The following ITCH variants were observed in gnomAD, a reference collection of about 807,000 sequenced individuals.
ITCH encodes the protein itchy E3 ubiquitin protein ligase.
Under a neutral mutation model 126.8 loss-of-function variants are expected in ITCH, and 28 were observed. The ratio of observed to expected loss-of-function variants is 0.22; its 90% CI spans 0.16 to 0.30. ITCH has a LOEUF of 0.30. Ranked by LOEUF, ITCH falls within the 10% of genes least tolerant of loss-of-function variation. ITCH has a pLI of 1.00. For missense variants in ITCH, 631 were observed against 1,032.4 expected (o/e 0.61, Z 5.33); for synonymous variants, 342 against 340.0 (o/e 1.01, Z -0.06).
chr20:34,476,791 A>G (rs1375606394), intron 16 of ITCH: 1 of 164,922 alleles, frequency 6.1e-6, no homozygotes, highest in African/African-American at 2.4e-5. Context: ...CATTATATCA[A>G]CTTCTCCCTT....
chr20:34,392,111 A>G (rs1463747071), intron 2 of ITCH, among the ~76,000 whole-genome samples: 1 of 152,182 alleles, frequency 6.6e-6, no homozygotes, highest in Non-Finnish European at 1.5e-5. Flanking sequence ...TTGAGGAGGA[A>G]GTAATAACTA....
chr20:34,393,506 TC>T (rs1568883946), intron 2 of ITCH, among the ~76,000 whole-genome samples: 1 of 151,952 alleles, frequency 6.6e-6, no homozygotes, highest in Non-Finnish European at 1.5e-5. Context: ...AAAGGAATCA[TC>T]AGAGGATACT....
intron 17 of ITCH, among the ~76,000 whole-genome samples, chr20:34,479,114 C>T (rs1252048207): frequency 1.3e-5 from 2 of 152,120 alleles, no homozygotes; most frequent in Non-Finnish European, 2.9e-5. Context: ...AAGAACTTTA[C>T]TGCCTCTGTG....
intron 16 of ITCH, among the ~76,000 whole-genome samples, chr20:34,472,812 TTA>T (rs1383232826): frequency 6.6e-6 from 1 of 152,216 alleles, no homozygotes; most frequent in East Asian, 1.9e-4. Flanking sequence ...ATTTAGAGAA[TTA>T]TGAGTCATCC....
chr20:34,402,045 T>C (rs1203200196), intron 3 of ITCH: 3 of 649,208 alleles, frequency 4.6e-6, no homozygotes, highest in East Asian at 5.2e-5. Flanking sequence ...TTTGTCATTA[T>C]GGCAAAAACG....
chr20:34,503,865 TTTTG>T (rs1187556071), intron 23 of ITCH, among the ~76,000 whole-genome samples: 34 of 103,978 alleles, frequency 3.3e-4, no homozygotes, highest in South Asian at 8.8e-4. Flanking sequence ...TTTTTTTTTT[TTTTG>T]GTTTTTTTTT....
chr20:34,410,968 G>T (rs1037854143), intron 4 of ITCH, among the ~76,000 whole-genome samples: 1 of 152,118 alleles, frequency 6.6e-6, no homozygotes, highest in Admixed American at 6.6e-5. Flanking sequence ...TTTTTAAGTT[G>T]CAGCAAATTG....
chr20:34,445,315 CGTATTTA>C lies in ITCH; in HGVS notation c.995_1001del (p.Arg332LeufsTer101). The C allele has an allele frequency of 6.3e-7, 1 of 1,599,958 alleles. No individual in the cohort carries two copies. Among genetic ancestry groups the C allele is most frequent in the South Asian group, 1.1e-5 (1 of 90,768 alleles). On this transcript the variant is annotated frameshift_variant, in exon 11 of 25. Transcript: ENST00000374864. LOFTEE classifies it high-confidence loss of function. ...GGAACGGCGGGTTGACAACATGGGACGTATTTATTATGTTGACCATTTCACAAGAACA... is the reference window on the plus strand; with the variant it reads ...GGAACGGCGGGTTGACAACATGGGACTTATGTTGACCATTTCACAAGAACA...
At chr20:34,486,271 T>C (rs1001076500) in intron 20 of ITCH, among the ~76,000 whole-genome samples, 3 of 151,912 alleles carry the variant, frequency 2.0e-5, no homozygotes, top group Non-Finnish European at 4.4e-5. Context: ...ACTCCCACTT[T>C]GGTCTCCCAA....
intron 23 of ITCH, among the ~76,000 whole-genome samples, chr20:34,498,628 T>G (rs1016396300): frequency 4.6e-5 from 7 of 152,234 alleles, no homozygotes; most frequent in African/African-American, 1.7e-4. Flanking sequence ...TACTTTGTTA[T>G]GTTCATTGAT....
chr20:34,469,178 A>C (rs1179492981), intron 14 of ITCH, among the ~76,000 whole-genome samples: 1 of 152,058 alleles, frequency 6.6e-6, no homozygotes, highest in Non-Finnish European at 1.5e-5. Flanking sequence ...TTAAGCTATC[A>C]GGGTCACACT....
At chr20:34,411,321 T>G (rs1452845418) in intron 4 of ITCH, among the ~76,000 whole-genome samples, 1 of 152,072 alleles carries the variant, frequency 6.6e-6, no homozygotes, top group Non-Finnish European at 1.5e-5. Flanking sequence ...TCAACTAATT[T>G]TTTTGTAATT....
chr20:34,375,695 A>ATT (rs2037812327), intron 2 of ITCH, among the ~76,000 whole-genome samples: 17 of 135,138 alleles, frequency 1.3e-4, no homozygotes, highest in African/African-American at 2.3e-4. Context: ...TGGTAGTTAA[A>ATT]ATTTTTTTTT....
chr20:34,486,269 T>G (rs3950109), intron 20 of ITCH, among the ~76,000 whole-genome samples: 9 of 152,000 alleles, frequency 5.9e-5, no homozygotes, highest in Non-Finnish European at 1.3e-4. Flanking sequence ...ATACTCCCAC[T>G]TTGGTCTCCC....
At chr20:34,492,153 T>C (rs1989561636) in intron 22 of ITCH, among the ~76,000 whole-genome samples, 1 of 152,218 alleles carries the variant, frequency 6.6e-6, no homozygotes, top group Non-Finnish European at 1.5e-5. Flanking sequence ...GAAAGGTTGA[T>C]GGGGCTTTGA....
intron 3 of ITCH, among the ~76,000 whole-genome samples, chr20:34,406,920 A>G (rs1475118398): frequency 3.9e-5 from 6 of 152,160 alleles, no homozygotes; most frequent in Admixed American, 6.5e-5. Flanking sequence ...GCATTCTCTG[A>G]ACTTTGCTGC....
At chr20:34,445,525 G>A (rs1984349771) in intron 11 of ITCH, 64 bp downstream of exon 11, 1 of 1,512,620 alleles carries the variant, frequency 6.6e-7, no homozygotes, top group East Asian at 2.3e-5. Flanking sequence ...TCCAGCATAT[G>A]TCATGGAAAG....
intron 22 of ITCH, among the ~76,000 whole-genome samples, chr20:34,490,706 A>G (rs907225482): frequency 7.9e-5 from 12 of 152,216 alleles, no homozygotes; most frequent in African/African-American, 2.9e-4. Context: ...AGTGGAGAAG[A>G]ACAACCATTG....
At chr20:34,393,953 C>CA in intron 3 of ITCH, 72 bp downstream of exon 3, 1 of 1,399,414 alleles carries the variant, frequency 7.1e-7, no homozygotes, top group Non-Finnish European at 1.0e-6. Context: ...CTGAGAGGGC[C>CA]AGGCATGGTG....
Sources: gnomAD v4.1 joint callset for allele counts (sites outside exome capture counted in the v4.1 genomes callset) on GRCh38, gnomAD v4.1.1 for gene constraint, MANE v1.5 for transcripts, NCBI Gene and HGNC (gene_info 2026-07-23, HGNC 2026-07-21) for gene names.